The following DPP6 variants were observed in gnomAD, a reference collection of about 807,000 sequenced individuals.
DPP6 encodes the protein dipeptidyl peptidase like 6, also known as A-type potassium channel modulatory protein DPP6.
In DPP6, 69 loss-of-function variants were observed where a neutral mutation model predicts 122.6. The ratio of observed to expected loss-of-function variants is 0.56; its 90% CI spans 0.46 to 0.69. The LOEUF (loss-of-function observed/expected upper bound fraction) is 0.69, where lower values mean the gene tolerates loss of function less well. Ranked by LOEUF, DPP6 falls within the 30% of genes least tolerant of loss-of-function variation. The pLI is 0.00. For synonymous variants in DPP6, 418 were observed against 433.1 expected (o/e 0.97, Z 0.43); for missense variants, 928 against 1,116.9 (o/e 0.83, Z 2.41).
intron 1 of DPP6, among the ~76,000 whole-genome samples, chr7:154,182,519 C>G (rs1202009224): frequency 1.3e-5 from 2 of 152,156 alleles, no homozygotes; most frequent in Non-Finnish European, 2.9e-5. Context: ...CCAGTTCCTT[C>G]TGGCCATAGC....
At chr7:154,425,621 G>GGTGGGTGTGTGT (rs775417561) in intron 1 of DPP6, among the ~76,000 whole-genome samples, 4 of 121,514 alleles carry the variant, frequency 3.3e-5, no homozygotes, top group African/African-American at 1.7e-4. Flanking sequence ...TGTGTGTGTG[G>GGTGGGTGTGTGT]GTGTGTGTGT....
At chr7:154,572,814 G>A (rs1178578333) in intron 5 of DPP6, among the ~76,000 whole-genome samples, 2 of 151,828 alleles carry the variant, frequency 1.3e-5, no homozygotes, top group South Asian at 2.1e-4. Flanking sequence ...CAAGTAGCTG[G>A]GATTATGGGC....
chr7:154,817,604 A>T (rs917709685), intron 16 of DPP6, among the ~76,000 whole-genome samples: 2 of 152,142 alleles, frequency 1.3e-5, no homozygotes, highest in African/African-American at 4.8e-5. Flanking sequence ...TGAGTGATCG[A>T]TTGATGATGT....
intron 1 of DPP6, among the ~76,000 whole-genome samples, chr7:153,929,281 T>A (rs1801065739): frequency 6.6e-6 from 1 of 151,934 alleles, no homozygotes; most frequent in African/African-American, 2.4e-5. Context: ...CCAGGTCAGA[T>A]AAGATGTGGG....
intron 1 of DPP6, chr7:154,095,036 G>A (rs182183017): frequency 6.6e-6 from 1 of 152,372 alleles, no homozygotes; most frequent in East Asian, 1.9e-4. Flanking sequence ...CAGCCCAGGT[G>A]CAGGACATGT....
In DPP6 at chr7:154,090,525, A is replaced by G. The variant is rs537390136; in HGVS notation, c.243+37462A>G. ...AGAATAAAACCTTGAAAAATGTTTC[A>G]TTTTAAATACAGACCCCTTGTGTAT... On this transcript the variant is annotated intron_variant, in intron 1 of 25. Transcript: ENST00000377770. Among the ~76,000 whole-genome samples the G allele has an allele frequency of 3.6e-3, 544 of 152,312 alleles. 7 individuals are homozygous for G. The highest frequency in any genetic ancestry group is 0.012 in the African/African-American group (511 of 41,572).
intron 1 of DPP6, among the ~76,000 whole-genome samples, chr7:154,152,939 A>C (rs1304317164): frequency 6.6e-6 from 1 of 152,238 alleles, no homozygotes; most frequent in African/African-American, 2.4e-5. Context: ...AATTACAAGC[A>C]TTCTTTACCT....
intron 5 of DPP6, among the ~76,000 whole-genome samples, chr7:154,620,846 G>A (rs1834599607): frequency 1.3e-5 from 2 of 152,194 alleles, no homozygotes; most frequent in Admixed American, 1.3e-4. Context: ...CCCATCCACA[G>A]CGGCAGACAA....
At chr7:154,562,817 A>G (rs1435861355) in intron 4 of DPP6, among the ~76,000 whole-genome samples, 1 of 152,198 alleles carries the variant, frequency 6.6e-6, no homozygotes. Flanking sequence ...AAATTAAAAT[A>G]TACATGTACT....
At position 154,486,651 on chromosome 7, in the gene DPP6, A is replaced by T. The variant is rs1036957252; in HGVS notation, c.457+11614A>T. Among the ~76,000 whole-genome samples the T allele has an allele frequency of 2.6e-5, 4 of 152,164 alleles. No individual in the cohort carries two copies. Among genetic ancestry groups the T allele is most frequent in the Admixed American group, 6.5e-5 (1 of 15,278 alleles). On this transcript the variant is annotated intron_variant, in intron 3 of 25. Transcript: ENST00000377770. The surrounding 1 kb of genome is among the most constrained non-coding windows in gnomAD (Gnocchi z 4.5). ...CGATACCGCAGTAGAACTTTACAAA[A>T]CTTCAGTCAGAGCATCAGCTTGTGA...
Position 154,893,208 on chromosome 7 carries a change from A to C in DPP6, c.*728A>C, listed in dbSNP as rs1375466520. 2 of 276,986 alleles carry C rather than the reference A, an allele frequency of 7.2e-6. No homozygotes were observed. Among genetic ancestry groups the C allele is most frequent in the Non-Finnish European group, 1.4e-5 (2 of 141,860 alleles). The allele number at this position is 276,986 out of a possible 1,614,324, so 17.2% of individuals were successfully genotyped here. On this transcript the variant is annotated 3_prime_UTR_variant, in exon 26 of 26. Transcript: ENST00000377770. ...CGTGTAGACTTTGCGCTTGATGAAG[A>C]AGCAGATCGGAAGTAACTGCTCCCT...
intron 1 of DPP6, among the ~76,000 whole-genome samples, chr7:153,899,193 TCTCCTC>T (rs796084342): frequency 1.1e-4 from 17 of 151,088 alleles, no homozygotes; most frequent in South Asian, 2.1e-4. Flanking sequence ...TCCTCTTCCT[TCTCCTC>T]CTCCTCCTCC....
the DPP6 span, among the ~76,000 whole-genome samples, chr7:153,777,010 C>A: frequency 7.2e-5 from 11 of 152,300 alleles, no homozygotes; most frequent in African/African-American, 2.6e-4. Flanking sequence ...TGTATCTAGA[C>A]ATGTAATGAG....
At chr7:153,859,501 T>A in the DPP6 span, among the ~76,000 whole-genome samples, 1 of 152,196 alleles carries the variant, frequency 6.6e-6, no homozygotes, top group African/African-American at 2.4e-5. Flanking sequence ...CTGAAATCAG[T>A]GTTCTGAGCT....
chr7:153,756,015 A>G, the DPP6 span, among the ~76,000 whole-genome samples: 8 of 152,104 alleles, frequency 5.3e-5, no homozygotes, highest in African/African-American at 4.8e-5. Context: ...TGGCTTCAGA[A>G]CCACCATCTA....
chr7:153,989,356 GGGGA>G (rs1183644586), intron 1 of DPP6, among the ~76,000 whole-genome samples: 21 of 151,210 alleles, frequency 1.4e-4, no homozygotes, highest in South Asian at 4.3e-4. Flanking sequence ...TGTGAGTGTG[GGGGA>G]GTGAGTATGG....
chr7:154,443,826 G>T (rs959718184), intron 1 of DPP6, among the ~76,000 whole-genome samples: 3 of 152,212 alleles, frequency 2.0e-5, no homozygotes, highest in Non-Finnish European at 4.4e-5. Flanking sequence ...TCCAAAGTAT[G>T]CATGTGGTAA....
At chr7:154,448,753 A>G (rs747003860) in intron 2 of DPP6, among the ~76,000 whole-genome samples, 2 of 152,262 alleles carry the variant, frequency 1.3e-5, no homozygotes, top group Non-Finnish European at 2.9e-5. Flanking sequence ...TGAGAGTTCA[A>G]AAATAAACCC....
chr7:154,597,184 G>T (rs1276243926), intron 5 of DPP6, among the ~76,000 whole-genome samples: 1 of 150,230 alleles, frequency 6.7e-6, no homozygotes, highest in Non-Finnish European at 1.5e-5. Context: ...CAGAGAGAGA[G>T]AGGGTGGGGA....
Sources: allele counts gnomAD v4.1 joint callset (sites outside exome capture counted in the v4.1 genomes callset), GRCh38; gene constraint gnomAD v4.1.1; non-coding constraint Gnocchi (gnomAD v3.1); transcripts MANE v1.5; gene names NCBI Gene and HGNC (gene_info 2026-07-23, HGNC 2026-07-21).